ACTRT3: variants seen among roughly 807,000 people sequenced by gnomAD.
The protein encoded by ACTRT3 is actin-related protein T3.
A neutral mutation model predicts 17.6 loss-of-function variants in ACTRT3; 15 were observed. The ratio of observed to expected loss-of-function variants is 0.85; its 90% CI spans 0.57 to 1.31. ACTRT3 has a LOEUF of 1.31. ACTRT3 is among the 50% of genes most tolerant of loss of function. The pLI is 0.00. For synonymous variants in ACTRT3, 169 were observed against 176.4 expected (o/e 0.96, Z 0.33); for missense variants, 457 against 466.7 (o/e 0.98, Z 0.19).
intron 1 of ACTRT3, among the ~76,000 whole-genome samples, chr3:169,768,551 A>G (rs1314988911): frequency 6.9e-6 from 1 of 145,524 alleles, no homozygotes; most frequent in African/African-American, 2.7e-5. Flanking sequence ...TTTTGGAGAC[A>G]GAGTCTCGCT....
rs1043067885 is a variant in ACTRT3 at position 169,767,716 on chromosome 3, T to C, written c.835A>G (p.Ile279Val). Residue 279 changes from isoleucine (I) to valine (V), a missense_variant, in exon 2 of 2, where the codon ATA becomes GTA. Transcript: ENST00000330368. ...PGIDKICFSS[I>V]MKCDTGLRNS... Reference sequence around the variant, plus strand: ...CTCAGGCCTGTATCACATTTCATTATGCTGCTGAAGCATATCTTATCAATG... The same window carrying C: ...CTCAGGCCTGTATCACATTTCATTACGCTGCTGAAGCATATCTTATCAATG... 4 of 1,613,988 alleles carry C rather than the reference T, an allele frequency of 2.5e-6. No individual in the cohort carries two copies. The highest frequency in any genetic ancestry group is 1.3e-5 in the African/African-American group (1 of 74,954).
At position 169,767,805 on chromosome 3, in the gene ACTRT3, TCATGGAGCTGGA is replaced by T. The variant is rs890105581; in HGVS notation, c.734_745del (p.Ile245_Asp249delinsAsn). On this transcript the variant is annotated inframe_deletion, in exon 2 of 2. Transcript: ENST00000330368. ...GGCCTCTGGACAAGAAAAGAGCTGG[TCATGGAGCTGGA>T]TGACCTTCCCATCAGGTAGTTGGTA... 1 of 1,614,054 alleles carries T rather than the reference TCATGGAGCTGGA, an allele frequency of 6.2e-7. No individual in the cohort carries two copies. Among genetic ancestry groups the T allele is most frequent in the Non-Finnish European group, 8.5e-7 (1 of 1,180,038 alleles).
At chr3:169,768,629 G>A (rs1172451194) in intron 1 of ACTRT3, among the ~76,000 whole-genome samples, 2 of 151,450 alleles carry the variant, frequency 1.3e-5, no homozygotes, top group African/African-American at 4.9e-5. Context: ...CCGGGTTCAC[G>A]CCATTCTCCT....
Position 169,769,459 on chromosome 3 carries a change from A to T in ACTRT3, c.62T>A (p.Val21Glu), listed in dbSNP as rs1285018498. The stretch of plus-strand genomic sequence containing the variant: ...AAACTGGGGCTCCCGGCACCCAGCC[A>T]CGCCCGCCTTGATCATTCCCGAGCC... ...DNGSGMIKAGVAGCREPQFIY... is the reference protein window; with the variant it reads ...DNGSGMIKAGEAGCREPQFIY... Residue 21 changes from valine to glutamate, a missense_variant, in exon 1 of 2, where the codon GTG (valine) becomes GAG (glutamate). Physicochemically the swap from Val to Glu is moderately radical, Grantham distance 121. Coordinates refer to ENST00000330368, the MANE Select transcript of ACTRT3 (RefSeq NM_032487.5). The T allele has an allele frequency of 6.2e-7, 1 of 1,610,422 alleles. No homozygotes were observed. The highest frequency in any genetic ancestry group is 8.5e-7 in the Non-Finnish European group (1 of 1,179,292).
chr3:169,768,522 C>G (rs1312421181), intron 1 of ACTRT3, among the ~76,000 whole-genome samples, 172 bp from the exon 2 acceptor site: 2 of 150,082 alleles, frequency 1.3e-5, no homozygotes, highest in African/African-American at 5.0e-5. Context: ...CTACTTACCT[C>G]TGCAATTTTT....
At position 169,767,957 on chromosome 3, in the gene ACTRT3, CATG is replaced by C. The variant is rs1456890882; in HGVS notation, c.591_593del (p.Ile197del). On this transcript the variant is annotated inframe_deletion, in exon 2 of 2. Coordinates refer to ENST00000330368, the MANE Select transcript of ACTRT3 (RefSeq NM_032487.5). ...TCTTTCTGTCTGAAGCACTGAGCAA[CATG>C]ATACCATGGTTCTTCATTAGCACCA... The C allele has an allele frequency of 6.2e-7, 1 of 1,614,190 alleles. No individual in the cohort carries two copies. The highest frequency in any genetic ancestry group is 1.7e-5 in the Admixed American group (1 of 60,022).
rs745623878 is a variant in ACTRT3, at chr3:169,768,365, A to G, written c.201-15T>C. ...CCACTGGGTAACTGTAAGGAAAGCA[A>G]TAAGATCAATGACAGCTTTTTATTT... On this transcript the variant is annotated splice_polypyrimidine_tract_variant and intron_variant, in intron 1 of 1. Coordinates refer to ENST00000330368, the MANE Select transcript of ACTRT3 (RefSeq NM_032487.5). 24 of 1,590,498 alleles carry G rather than the reference A, an allele frequency of 1.5e-5. No individual in the cohort carries two copies. The highest frequency in any genetic ancestry group is 1.7e-4 in the Middle Eastern group (1 of 5,944).
chr3:169,768,590 C>T (rs1454644781), intron 1 of ACTRT3, among the ~76,000 whole-genome samples: 2 of 150,914 alleles, frequency 1.3e-5, no homozygotes, highest in African/African-American at 2.4e-5. Context: ...TGCAGTGGCG[C>T]GATCTCAGCT....
chr3:169,768,486 G>GT, intron 1 of ACTRT3, 136 bp from the exon 2 acceptor site: 1 of 808,398 alleles, frequency 1.2e-6, no homozygotes, highest in Non-Finnish European at 1.9e-6. Flanking sequence ...CTCACAGCAG[G>GT]TAAGTGTCAG....
At position 169,769,343 on chromosome 3, in the gene ACTRT3, A is replaced by G. The variant is rs1215959001; in HGVS notation, c.178T>C (p.Trp60Arg). 9.3e-6 allele frequency: 14 copies of G among 1,503,264 alleles called. No individual in the cohort carries two copies. The highest frequency in any genetic ancestry group is 9.2e-5 in the South Asian group (8 of 86,932). The allele number at this position is 1,503,264 out of a possible 1,614,324, so 93.1% of individuals were successfully genotyped here. A position where few individuals can be genotyped will look rare whatever the true frequency, so the allele number is the denominator to read the frequency against. Residue 60 changes from tryptophan to arginine, a missense_variant, in exon 1 of 2, where the codon TGG becomes CGG. By Grantham distance (101) the Trp-to-Arg change is moderately radical. Transcript: ENST00000330368. ...TACCTGATGAACAGCGAGCTCCTCC[A>G]GTCCTGAGCTTGGTCGCCCACGCAG... ...ELCVGDQAQD[W>R]RSSLFISYPV...
rs781270029 is a variant in ACTRT3, at chr3:169,768,340, C to T, written c.211G>A (p.Glu71Lys). Residue 71 changes from glutamate to lysine, a missense_variant, in exon 2 of 2, where the codon GAG (glutamate) becomes AAG (lysine). Glu to Lys is a moderately conservative substitution (Grantham distance 56). Transcript: ENST00000330368. ...TCCCATGAAGTAATGAGACCACGCT[C>T]CACTGGGTAACTGTAAGGAAAGCAA... The part of the protein sequence containing the change: ...RSSLFISYPV[E>K]RGLITSWEDM... The T allele has an allele frequency of 4.4e-6, 7 of 1,606,746 alleles. No individual in the cohort carries two copies. The Admixed American group carries it at 1.0e-4, about 23-fold the overall frequency.
Position 169,769,510 on chromosome 3 carries a change from C to T in ACTRT3, c.11G>A (p.Cys4Tyr). 1.9e-6 allele frequency: 3 copies of T among 1,610,748 alleles called. No homozygotes were observed. Among genetic ancestry groups the T allele is most frequent in the East Asian group, 2.2e-5 (1 of 44,710 alleles). ...GTTGTCGATCACCACCGGTAGCTGG[C>T]AGTGGTTCATGCCGCCGCTGCTGCC... MNH[C>Y]QLPVVIDNGS... The change falls in exon 1 of 2, where the codon TGC (cysteine) becomes TAC (tyrosine). Residue 4 changes from cysteine (C) to tyrosine (Y), a missense_variant. Physicochemically the swap from Cys to Tyr is radical, Grantham distance 194. Transcript: ENST00000330368.
rs1311610884 is a variant in ACTRT3 at position 169,769,527 on chromosome 3, G to A, written c.-7C>T. 2 of 1,607,260 alleles carry A rather than the reference G, an allele frequency of 1.2e-6. No individual in the cohort carries two copies. Among genetic ancestry groups the A allele is most frequent in the African/African-American group, 1.3e-5 (1 of 74,484 alleles). On this transcript the variant is annotated 5_prime_UTR_variant, in exon 1 of 2. Coordinates refer to ENST00000330368, the MANE Select transcript of ACTRT3 (RefSeq NM_032487.5). ...GTAGCTGGCAGTGGTTCATGCCGCC[G>A]CTGCTGCCGCCGCCTCCTGTCTCTG...
Position 169,767,863 on chromosome 3 carries a change from G to C in ACTRT3, c.688C>G (p.Pro230Ala), listed in dbSNP as rs759774970. 6.2e-7 allele frequency: 1 copy of C among 1,614,146 alleles called. No individual in the cohort carries two copies. Among genetic ancestry groups the C allele is most frequent in the Admixed American group, 1.7e-5 (1 of 60,014 alleles). ...MNYEEEMAKKPDCLEKVYQLP... is the reference protein window; with the variant it reads ...MNYEEEMAKKADCLEKVYQLP... ...TGGTAAACTTTCTCTAGACAATCGG[G>C]TTTCTTGGCCATTTCCTCTTCGTAG... Residue 230 changes from proline (P) to alanine (A), a missense_variant, in exon 2 of 2, where the codon CCC becomes GCC. Coordinates refer to ENST00000330368, the MANE Select transcript of ACTRT3 (RefSeq NM_032487.5).
rs1777999433 is a variant in ACTRT3, at chr3:169,767,222, T to C, written c.*210A>G. The stretch of plus-strand genomic sequence containing the variant: ...ACGTCAAGTTATAGAAGAAACACTA[T>C]GGGAAACATTATTTTAACTTGGTTC... On this transcript the variant is annotated 3_prime_UTR_variant, in exon 2 of 2. Transcript: ENST00000330368. 2.3e-6 allele frequency: 1 copy of C among 427,918 alleles called. No homozygotes were observed. The highest frequency in any genetic ancestry group is 4.1e-6 in the Non-Finnish European group (1 of 244,512). The allele number at this position is 427,918 out of a possible 1,614,324, so 26.5% of individuals were successfully genotyped here.
rs1448319496 is a variant in ACTRT3 at position 169,768,164 on chromosome 3, A to C, written c.387T>G (p.Pro129=). ...CAGCCTGGATGGACATATAGAAGGC[A>C]GGAACACCCAGATGCTCAAAAAACA... is the stretch of plus-strand genomic sequence containing the variant. ...TEMFFEHLGV[P]AFYMSIQAVL... is the part of the protein sequence containing the mutation. The change falls in exon 2 of 2, where the codon CCT becomes CCG. Residue 129 remains proline (P), a synonymous_variant. Transcript: ENST00000330368. 1.2e-6 allele frequency: 2 copies of C among 1,613,980 alleles called. No homozygotes were observed. The highest frequency in any genetic ancestry group is 4.5e-5 in the East Asian group (2 of 44,902).
At chr3:169,768,452 T>G in intron 1 of ACTRT3, 102 bp from the exon 2 acceptor site, 1 of 1,081,944 alleles carries the variant, frequency 9.2e-7, no homozygotes, top group Non-Finnish European at 1.3e-6. Flanking sequence ...AATATCCCTT[T>G]ATGGGCAATA....
At position 169,769,383 on chromosome 3, in the gene ACTRT3, C is replaced by G. The variant is rs12637087; in HGVS notation, c.138G>C (p.Gln46His). Residue 46 changes from glutamine to histidine, a missense_variant, in exon 1 of 2, where the codon CAG becomes CAC. Physicochemically the swap from Gln to His is conservative, Grantham distance 24. Coordinates refer to ENST00000330368, the MANE Select transcript of ACTRT3 (RefSeq NM_032487.5). ...CGCCCACGCAGAGTTCTAGCCCGCC[C>G]TGGGCCGCGCGGCTCTGGCCCTTGG... The part of the protein sequence containing the change: ...GRAKGQSRAA[Q>H]GGLELCVGDQ... 1 of 1,602,946 alleles carries G rather than the reference C, an allele frequency of 6.2e-7. No individual in the cohort carries two copies. The highest frequency in any genetic ancestry group is 1.4e-5 in the African/African-American group (1 of 71,546).
chr3:169,769,205 T>TC (rs1336219200), intron 1 of ACTRT3, 116 bp downstream of exon 1: 1 of 950 alleles, frequency 1.1e-3, no homozygotes, highest in Non-Finnish European at 2.5e-3. Flanking sequence ...ACACCCCCAG[T>TC]CCCCCCACCC....
Sources: gnomAD v4.1 joint callset for allele counts (sites outside exome capture counted in the v4.1 genomes callset) on GRCh38, gnomAD v4.1.1 for gene constraint, MANE v1.5 for transcripts, NCBI Gene and HGNC (gene_info 2026-07-23, HGNC 2026-07-21) for gene names.